The following EXOC4 variants were observed in gnomAD, a reference collection of about 807,000 sequenced individuals.
The protein encoded by EXOC4 is exocyst complex component 4.
In EXOC4, 71 loss-of-function variants were observed where a neutral mutation model predicts 107.2. The observed-to-expected ratio is 0.66, with a 90% CI of 0.55 to 0.81. The LOEUF is 0.81. EXOC4 is among the 30% of genes least tolerant of loss of function. The pLI is 0.00. For missense variants in EXOC4, 1,108 were observed against 1,189.6 expected, an observed-to-expected ratio of 0.93 and a Z score of 1.01; for synonymous variants, 456 against 441.2, an observed-to-expected ratio of 1.03 and a Z score of -0.42.
In EXOC4 at chr7:133,886,333, C is replaced by T. The variant is rs374511581; in HGVS notation, c.1735-9266C>T. Among the ~76,000 whole-genome samples the T allele has an allele frequency of 1.2e-4, 18 of 152,294 alleles. 1 individual carries two copies. The highest frequency in any genetic ancestry group is 3.4e-4 in the African/African-American group (14 of 41,560). On this transcript the variant is annotated intron_variant, in intron 11 of 17. Transcript: ENST00000253861. The stretch of plus-strand genomic sequence containing the variant: ...ATTTTCTGTAACAGAATATTAGTAT[C>T]ATGAGGCAGAGCCCCATTCTGGCAA...
intron 9 of EXOC4, among the ~76,000 whole-genome samples, chr7:133,541,650 C>A (rs928011657): frequency 1.6e-4 from 24 of 151,974 alleles, no homozygotes; most frequent in African/African-American, 5.8e-4. Context: ...CAGGCAGGCA[C>A]CACCATGCGT....
Position 133,480,515 on chromosome 7 carries a change from A to G in EXOC4, c.1417+377A>G, listed in dbSNP as rs78040668. 6,414 of 996,156 alleles carry G rather than the reference A, an allele frequency of 6.4e-3. 161 individuals carry two copies. In the African/African-American group the frequency reaches 0.068, roughly 11 times the overall value. The allele number at this position is 996,156 out of a possible 1,614,324, so 61.7% of individuals were successfully genotyped here. On this transcript the variant is annotated intron_variant, in intron 9 of 17. Transcript: ENST00000253861. ...CTAGAATATGACAGGAGTACCTGAG[A>G]TTTGGGAAAGGGAAAATGCAACCAC...
chr7:133,571,751 A>C (rs1801028955), intron 9 of EXOC4, among the ~76,000 whole-genome samples: 1 of 152,088 alleles, frequency 6.6e-6, no homozygotes, highest in African/African-American at 2.4e-5. Context: ...AGGTGCTGAC[A>C]GGTTTGGCTG....
chr7:133,870,321 A>G (rs1323595049), intron 11 of EXOC4, among the ~76,000 whole-genome samples: 1 of 152,172 alleles, frequency 6.6e-6, no homozygotes, highest in Non-Finnish European at 1.5e-5. Context: ...ATGGAAATCC[A>G]TTTAGTGGAA....
At chr7:133,510,473 C>T (rs1799748333) in intron 9 of EXOC4, among the ~76,000 whole-genome samples, 1 of 152,164 alleles carries the variant, frequency 6.6e-6, no homozygotes, top group Admixed American at 6.5e-5. Flanking sequence ...CTTAGCTCTG[C>T]TCAATAGGCT....
At chr7:133,616,479 G>C (rs1156843443) in intron 9 of EXOC4, among the ~76,000 whole-genome samples, 1 of 152,024 alleles carries the variant, frequency 6.6e-6, no homozygotes, top group Non-Finnish European at 1.5e-5. Context: ...GAAAACCATT[G>C]ATTATAGTGA....
At chr7:133,781,754 A>G (rs983016150) in intron 10 of EXOC4, among the ~76,000 whole-genome samples, 2 of 152,130 alleles carry the variant, frequency 1.3e-5, no homozygotes, top group African/African-American at 2.4e-5. Flanking sequence ...CATCATGATC[A>G]CTGGAGTGGT....
At chr7:133,561,909 T>A (rs1332897288) in intron 9 of EXOC4, among the ~76,000 whole-genome samples, 2 of 152,230 alleles carry the variant, frequency 1.3e-5, no homozygotes, top group African/African-American at 4.8e-5. Flanking sequence ...CAGAGCTGGA[T>A]TAAGCAGGTA....
chr7:133,938,555 G>GA (rs972087525), intron 14 of EXOC4, among the ~76,000 whole-genome samples: 2 of 151,982 alleles, frequency 1.3e-5, no homozygotes, highest in African/African-American at 4.8e-5. Context: ...AATTATTCTG[G>GA]AAAAAAGATG....
At chr7:133,587,289 G>A (rs62470019) in intron 9 of EXOC4, among the ~76,000 whole-genome samples, 19,616 of 152,174 alleles carry the variant, frequency 0.13, 1,381 homozygotes, top group East Asian at 0.23. Flanking sequence ...GTTTTGTCCA[G>A]TTTTTATTAG....
intron 7 of EXOC4, among the ~76,000 whole-genome samples, chr7:133,381,919 A>C (rs1451809146): frequency 1.3e-5 from 2 of 152,176 alleles, no homozygotes; most frequent in Non-Finnish European, 2.9e-5. Flanking sequence ...AACATATTAA[A>C]AAATGCAGAT....
intron 10 of EXOC4, among the ~76,000 whole-genome samples, chr7:133,746,525 G>C (rs1795680968): frequency 6.6e-6 from 1 of 152,050 alleles, no homozygotes; most frequent in South Asian, 2.1e-4. Flanking sequence ...GCCTAAGGCT[G>C]GGTTACATGT....
chr7:133,620,215 C>G (rs1802297239), intron 9 of EXOC4, among the ~76,000 whole-genome samples: 1 of 151,788 alleles, frequency 6.6e-6, no homozygotes, highest in South Asian at 2.1e-4. Flanking sequence ...TTAATAGAGA[C>G]CAGGTTTCAC....
chr7:133,657,201 A>T (rs534252606), intron 10 of EXOC4, among the ~76,000 whole-genome samples: 1 of 152,276 alleles, frequency 6.6e-6, no homozygotes, highest in South Asian at 2.1e-4. Flanking sequence ...CATGGACATC[A>T]GTTTCTTTCC....
At chr7:134,023,561 T>C (rs996254622) in intron 17 of EXOC4, among the ~76,000 whole-genome samples, 1 of 152,192 alleles carries the variant, frequency 6.6e-6, no homozygotes, top group African/African-American at 2.4e-5. Flanking sequence ...GAATTAACTT[T>C]TTCATTTTGC....
chr7:134,028,932 A>G (rs933211898), intron 17 of EXOC4, among the ~76,000 whole-genome samples: 8 of 152,228 alleles, frequency 5.3e-5, no homozygotes, highest in Non-Finnish European at 1.0e-4. Flanking sequence ...TCTCAGCTAT[A>G]CTGGCAGATC....
chr7:133,553,235 T>C (rs1054462784), intron 9 of EXOC4, among the ~76,000 whole-genome samples: 2 of 152,198 alleles, frequency 1.3e-5, no homozygotes, highest in Admixed American at 6.5e-5. Context: ...TCACAGTGTG[T>C]CTGTAATTTA....
chr7:133,702,726 A>G (rs1469249451), intron 10 of EXOC4, among the ~76,000 whole-genome samples: 3 of 152,226 alleles, frequency 2.0e-5, no homozygotes, highest in Admixed American at 6.5e-5. Context: ...GGTGGCTTTT[A>G]AAAATGCTTC....
At chr7:134,063,546 C>G (rs1796117078) in intron 17 of EXOC4, among the ~76,000 whole-genome samples, 1 of 151,968 alleles carries the variant, frequency 6.6e-6, no homozygotes, top group African/African-American at 2.4e-5. Context: ...GAGGTGTAGC[C>G]CCTGGGTGGA....
Sources: gnomAD v4.1 joint callset for allele counts (sites outside exome capture counted in the v4.1 genomes callset) on GRCh38, gnomAD v4.1.1 for gene constraint, MANE v1.5 for transcripts, NCBI Gene and HGNC (gene_info 2026-07-23, HGNC 2026-07-21) for gene names.